The following DPP6 variants were observed in gnomAD, a reference collection of about 807,000 sequenced individuals.
DPP6 encodes dipeptidyl peptidase like 6, also known as A-type potassium channel modulatory protein DPP6.
Under a neutral mutation model 122.6 loss-of-function variants are expected in DPP6, and 69 were observed. That is an observed-to-expected ratio of 0.56 (90% CI 0.46 to 0.69). The LOEUF (loss-of-function observed/expected upper bound fraction) is 0.69, where lower values mean the gene tolerates loss of function less well. Among genes scored for constraint, DPP6 ranks in the 30% least tolerant of loss-of-function variants. The pLI is 0.00. For synonymous variants in DPP6, 418 were observed against 433.1 expected (o/e 0.97, Z 0.43); for missense variants, 928 against 1,116.9 (o/e 0.83, Z 2.41).
intron 25 of DPP6, 60 bp from the exon 26 acceptor site, chr7:154,892,274 G>A (rs1359344249): frequency 5.6e-6 from 9 of 1,610,450 alleles, no homozygotes; most frequent in East Asian, 2.2e-5. Context: ...CCTTCTGTGC[G>A]TTCCCGTCCC....
In DPP6 at chr7:154,640,663, G is replaced by A. The variant is rs534234214; in HGVS notation, c.680+2790G>A. On this transcript the variant is annotated intron_variant, in intron 6 of 25. Coordinates refer to ENST00000377770, the MANE Select transcript of DPP6 (RefSeq NM_130797.4). ...TTGGTCATCACTGTCACCGGTGTGC[G>A]TGCTCCACCAGGTGGCAGAAAAAGA... Among the ~76,000 whole-genome samples the A allele has an allele frequency of 4.6e-5, 7 of 152,266 alleles. No homozygotes were observed. In the South Asian group the frequency reaches 6.2e-4, roughly 14 times the overall value.
chr7:154,277,403 C>T lies in DPP6; in HGVS notation c.244-168811C>T, dbSNP rs573710982. Reference sequence around the variant, plus strand: ...AATCAGACCAAAGGTAATCTCCATTCGTACACAAATAGAAGGAACAATTAG... The same window carrying T: ...AATCAGACCAAAGGTAATCTCCATTTGTACACAAATAGAAGGAACAATTAG... On this transcript the variant is annotated intron_variant, in intron 1 of 25. Transcript: ENST00000377770. Among the ~76,000 whole-genome samples the T allele has an allele frequency of 5.1e-4, 78 of 152,278 alleles. 2 individuals carry two copies. The highest frequency in any genetic ancestry group is 3.5e-4 in the Non-Finnish European group (24 of 68,024).
Position 154,097,177 on chromosome 7 carries a change from T to C in DPP6, c.243+44114T>C, listed in dbSNP as rs563973726. On this transcript the variant is annotated intron_variant, in intron 1 of 25. Transcript: ENST00000377770. ...CCCTTTGCTGTAGCCTGGGTGTACC[T>C]GGAACCAGCCAATTGCATATCCACA... Among the ~76,000 whole-genome samples the C allele has an allele frequency of 6.8e-4, 103 of 152,364 alleles. 1 individual carries two copies. In the South Asian group the frequency reaches 0.02, roughly 30 times the overall value.
chr7:154,019,739 A>T (rs1011972847), intron 1 of DPP6, among the ~76,000 whole-genome samples: 28 of 152,238 alleles, frequency 1.8e-4, no homozygotes, highest in African/African-American at 6.5e-4. Flanking sequence ...GTTATTATTG[A>T]TTTAGTAATA....
chr7:154,374,057 C>G (rs1328689815), intron 1 of DPP6, among the ~76,000 whole-genome samples: 5 of 152,168 alleles, frequency 3.3e-5, no homozygotes, highest in Non-Finnish European at 5.9e-5. Flanking sequence ...TATTTTCACA[C>G]AGGAGGCTGT....
chr7:154,608,615 G>A (rs1833724148), intron 5 of DPP6, among the ~76,000 whole-genome samples: 1 of 151,732 alleles, frequency 6.6e-6, no homozygotes, highest in African/African-American at 2.4e-5. Flanking sequence ...AGGATTACAG[G>A]CTGAGCCACT....
intron 7 of DPP6, among the ~76,000 whole-genome samples, chr7:154,707,984 G>A (rs2131291613): frequency 6.6e-6 from 1 of 152,266 alleles, no homozygotes; most frequent in Admixed American, 6.5e-5. Flanking sequence ...TCCGTTACAA[G>A]CCAGTATAAC....
intron 16 of DPP6, among the ~76,000 whole-genome samples, chr7:154,810,605 C>A (rs1164426863): frequency 6.6e-6 from 1 of 152,142 alleles, no homozygotes; most frequent in African/African-American, 2.4e-5. Context: ...ATAGTTGATA[C>A]CTGGGAGGAA....
intron 1 of DPP6, among the ~76,000 whole-genome samples, chr7:153,965,928 C>A (rs1029261697): frequency 3.4e-4 from 52 of 151,704 alleles, no homozygotes; most frequent in Non-Finnish European, 5.9e-5. Context: ...TTTAATTTTT[C>A]TGATGACACA....
At chr7:154,843,649 G>T (rs1801730443) in intron 16 of DPP6, among the ~76,000 whole-genome samples, 1 of 152,226 alleles carries the variant, frequency 6.6e-6, no homozygotes, top group Non-Finnish European at 1.5e-5. Context: ...CAGGCAGATA[G>T]TAGGAAAAAA....
intron 16 of DPP6, among the ~76,000 whole-genome samples, chr7:154,827,730 G>T (rs1353438199): frequency 1.5e-5 from 2 of 129,534 alleles, no homozygotes; most frequent in East Asian, 2.7e-4. Context: ...GCTGGCGGGG[G>T]GGGGGTGGTG....
At chr7:154,688,877 G>A (rs946709410) in intron 7 of DPP6, among the ~76,000 whole-genome samples, 1 of 152,160 alleles carries the variant, frequency 6.6e-6, no homozygotes, top group Non-Finnish European at 1.5e-5. Flanking sequence ...ATCCAATCAA[G>A]TTGACACTCA....
chr7:154,525,196 T>G (rs1327977743), intron 3 of DPP6, among the ~76,000 whole-genome samples: 1 of 152,208 alleles, frequency 6.6e-6, no homozygotes, highest in Non-Finnish European at 1.5e-5. Context: ...CAAGCTGGAG[T>G]GCGGTGGCAC....
At chr7:154,441,978 G>A (rs1819416552) in intron 1 of DPP6, among the ~76,000 whole-genome samples, 1 of 152,210 alleles carries the variant, frequency 6.6e-6, no homozygotes, top group Non-Finnish European at 1.5e-5. Context: ...GAGCAGCAGT[G>A]ATGTCGCAAA....
intron 17 of DPP6, among the ~76,000 whole-genome samples, chr7:154,856,827 C>T (rs146151903): frequency 2.3e-4 from 35 of 152,340 alleles, no homozygotes; most frequent in Middle Eastern, 6.8e-3. Context: ...AGATGGGACC[C>T]AGCGGCTTAA....
chr7:154,822,673 C>T (rs553667648), intron 16 of DPP6, among the ~76,000 whole-genome samples: 1 of 152,138 alleles, frequency 6.6e-6, no homozygotes, highest in Non-Finnish European at 1.5e-5. Context: ...CAGCCCCCCG[C>T]CCCCAACGAC....
chr7:154,830,743 A>G (rs1014963654), intron 16 of DPP6, among the ~76,000 whole-genome samples: 1 of 152,160 alleles, frequency 6.6e-6, no homozygotes, highest in Admixed American at 6.5e-5. Flanking sequence ...TCTACTATCT[A>G]TACGTCCACA....
chr7:154,804,070 C>G, intron 14 of DPP6, 115 bp downstream of exon 14: 1 of 1,256,924 alleles, frequency 8.0e-7, no homozygotes, highest in Non-Finnish European at 1.1e-6. Context: ...CTTTCCTCCT[C>G]AGGCAGCATC....
intron 2 of DPP6, among the ~76,000 whole-genome samples, chr7:154,466,739 G>A (rs10277503): frequency 0.12 from 18,359 of 152,218 alleles, 3,631 homozygotes; most frequent in African/African-American, 0.41. Context: ...GCACGTGGAC[G>A]TCTTTGGGAT....
Sources: allele counts gnomAD v4.1 joint callset (sites outside exome capture counted in the v4.1 genomes callset), GRCh38; gene constraint gnomAD v4.1.1; transcripts MANE v1.5; gene names NCBI Gene and HGNC (gene_info 2026-07-23, HGNC 2026-07-21).